CCDC91: variants seen among roughly 807,000 people sequenced by gnomAD.
The protein encoded by CCDC91 is coiled-coil domain-containing protein 91.
In CCDC91, 48 loss-of-function variants were observed where a neutral mutation model predicts 63.2. That is an observed-to-expected ratio of 0.76 (90% CI 0.60 to 0.97). CCDC91 has a LOEUF of 0.97. CCDC91 is among the 50% of genes least tolerant of loss of function. The pLI is 0.00. For missense variants in CCDC91, 500 were observed against 494.6 expected, an observed-to-expected ratio of 1.01 and a Z score of -0.10; for synonymous variants, 167 against 165.8, an observed-to-expected ratio of 1.01 and a Z score of -0.06.
intron 12 of CCDC91, among the ~76,000 whole-genome samples, chr12:28,492,540 G>A (rs1477657888): frequency 6.6e-6 from 1 of 151,202 alleles, no homozygotes; most frequent in Non-Finnish European, 1.5e-5. Flanking sequence ...CACACCAGTG[G>A]CCCTTGTCAA....
At chr12:28,202,945 T>G (rs185862039) in intron 1 of CCDC91, among the ~76,000 whole-genome samples, 1 of 152,282 alleles carries the variant, frequency 6.6e-6, no homozygotes, top group East Asian at 1.9e-4. Flanking sequence ...GGGGAAAAGG[T>G]TATTGGCACT....
chr12:28,535,213 C>G (rs544471988), intron 12 of CCDC91, among the ~76,000 whole-genome samples: 61 of 152,174 alleles, frequency 4.0e-4, no homozygotes, highest in African/African-American at 1.5e-3. Flanking sequence ...TCCTTAGTAT[C>G]TTTTATTTAA....
At chr12:28,536,810 G>A (rs2141718748) in intron 12 of CCDC91, among the ~76,000 whole-genome samples, 1 of 152,098 alleles carries the variant, frequency 6.6e-6, no homozygotes, top group Admixed American at 6.5e-5. Context: ...CTTTTTTAAA[G>A]TATTTATTAA....
chr12:28,262,338 G>A (rs1946876959), intron 3 of CCDC91, among the ~76,000 whole-genome samples: 2 of 151,918 alleles, frequency 1.3e-5, no homozygotes, highest in Admixed American at 1.3e-4. Context: ...AGAAACATTT[G>A]GTTTACATTT....
chr12:28,266,966 T>C (rs555946054), intron 3 of CCDC91, among the ~76,000 whole-genome samples: 1 of 152,066 alleles, frequency 6.6e-6, no homozygotes, highest in South Asian at 2.1e-4. Flanking sequence ...ACCATTCTTA[T>C]ACCAGTATAT....
chr12:28,452,182 T>C (rs1949837850), intron 10 of CCDC91, among the ~76,000 whole-genome samples: 1 of 151,570 alleles, frequency 6.6e-6, no homozygotes. Flanking sequence ...ATATCCTCAA[T>C]AATTTTAAGA....
intron 8 of CCDC91, among the ~76,000 whole-genome samples, chr12:28,429,731 T>C (rs1948526398): frequency 6.6e-6 from 1 of 152,130 alleles, no homozygotes; most frequent in African/African-American, 2.4e-5. Flanking sequence ...TTTCTTCAGG[T>C]AGATTGAAAT....
chr12:28,332,652 C>G (rs1194403453), intron 6 of CCDC91, among the ~76,000 whole-genome samples: 1 of 152,108 alleles, frequency 6.6e-6, no homozygotes, highest in African/African-American at 2.4e-5. Flanking sequence ...ATGGACCAAA[C>G]TAGTTTAATG....
At chr12:28,360,692 AT>A (rs1486774964) in intron 6 of CCDC91, among the ~76,000 whole-genome samples, 1 of 152,140 alleles carries the variant, frequency 6.6e-6, no homozygotes, top group Non-Finnish European at 1.5e-5. Context: ...TTAACTCATA[AT>A]TTTCTTTTCT....
At chr12:28,218,354 T>G (rs1452912539) in intron 1 of CCDC91, among the ~76,000 whole-genome samples, 3 of 152,154 alleles carry the variant, frequency 2.0e-5, no homozygotes, top group Non-Finnish European at 4.4e-5. Flanking sequence ...AATAGAAAGC[T>G]CGTTTTCATT....
At chr12:28,513,592 C>A (rs1202224375) in intron 12 of CCDC91, among the ~76,000 whole-genome samples, 1 of 151,848 alleles carries the variant, frequency 6.6e-6, no homozygotes, top group Non-Finnish European at 1.5e-5. Context: ...GAGGGATACT[C>A]AACCTGTGTT....
chr12:28,307,586 A>G (rs1295449563), intron 5 of CCDC91, 59 bp from the exon 6 acceptor site: 3 of 897,416 alleles, frequency 3.3e-6, no homozygotes, highest in Non-Finnish European at 5.1e-6. Context: ...CATTGAAAAA[A>G]CTAATTATAT....
At chr12:28,231,290 C>T (rs976832815) in intron 1 of CCDC91, among the ~76,000 whole-genome samples, 4 of 152,100 alleles carry the variant, frequency 2.6e-5, no homozygotes, top group Admixed American at 6.6e-5. Flanking sequence ...ATGGACTTTC[C>T]ATAGGTTCCA....
At chr12:28,531,892 A>G (rs1173852097) in intron 12 of CCDC91, among the ~76,000 whole-genome samples, 3 of 152,102 alleles carry the variant, frequency 2.0e-5, no homozygotes, top group Non-Finnish European at 4.4e-5. Flanking sequence ...CTGACAATCA[A>G]GTATGATGTT....
At chr12:28,527,616 G>T (rs202091433) in intron 12 of CCDC91, among the ~76,000 whole-genome samples, 1 of 145,726 alleles carries the variant, frequency 6.9e-6, no homozygotes, top group Non-Finnish European at 1.5e-5. Flanking sequence ...CATCAGCTAT[G>T]GGAGTATGGG....
At chr12:28,201,621 G>T (rs879248579) in intron 1 of CCDC91, among the ~76,000 whole-genome samples, 2 of 146,808 alleles carry the variant, frequency 1.4e-5, no homozygotes, top group African/African-American at 5.0e-5. Flanking sequence ...CTTCCCAGAC[G>T]GGGTGGCGGC....
chr12:28,369,945 C>T (rs985840904), intron 7 of CCDC91, among the ~76,000 whole-genome samples: 2 of 152,166 alleles, frequency 1.3e-5, no homozygotes, highest in Non-Finnish European at 2.9e-5. Context: ...GCCCTGAGAC[C>T]ATCCCACACA....
intron 8 of CCDC91, among the ~76,000 whole-genome samples, chr12:28,444,873 T>G (rs1949420461): frequency 6.6e-6 from 1 of 152,174 alleles, no homozygotes; most frequent in Non-Finnish European, 1.5e-5. Flanking sequence ...AAGCAGTTCC[T>G]TCTGCTCAAT....
intron 8 of CCDC91, among the ~76,000 whole-genome samples, chr12:28,435,824 T>C (rs1248480458): frequency 6.6e-6 from 1 of 151,830 alleles, no homozygotes; most frequent in Non-Finnish European, 1.5e-5. Flanking sequence ...TTATGTCTTT[T>C]TGGGGAAATT....
Sources: allele counts gnomAD v4.1 joint callset (sites outside exome capture counted in the v4.1 genomes callset), GRCh38; gene constraint gnomAD v4.1.1; transcripts MANE v1.5; gene names NCBI Gene and HGNC (gene_info 2026-07-23, HGNC 2026-07-21).